Variants in NPAS3 observed in about 807,000 individuals in gnomAD.
NPAS3 encodes neuronal PAS domain protein 3.
NPAS3 carries 14 observed loss-of-function variants against 73.1 expected under a neutral mutation model. The ratio of observed to expected loss-of-function variants is 0.19; its 90% confidence interval spans 0.13 to 0.30. NPAS3 has a LOEUF of 0.30. Among genes scored for constraint, NPAS3 ranks in the 10% least tolerant of loss-of-function variants. NPAS3 has a pLI of 1.00. For missense variants in NPAS3, 1,096 were observed against 1,250.0 expected (o/e 0.88, Z 1.86); for synonymous variants, 620 against 541.5 (o/e 1.14, Z -2.01).
chr14:33,232,290 G>A (rs1020991801), intron 3 of NPAS3, among the ~76,000 whole-genome samples: 2 of 152,246 alleles, frequency 1.3e-5, no homozygotes, highest in African/African-American at 2.4e-5. Context: ...TGCTTTGGAC[G>A]GATTCATCCC....
chr14:33,525,962 CAGAA>C (rs1472838907), intron 4 of NPAS3, among the ~76,000 whole-genome samples: 1 of 151,758 alleles, frequency 6.6e-6, no homozygotes, highest in Non-Finnish European at 1.5e-5. Flanking sequence ...ACAGATAAAA[CAGAA>C]AGAAAGGTAA....
intron 1 of NPAS3, among the ~76,000 whole-genome samples, chr14:32,987,395 C>G (rs2038143523): frequency 6.6e-6 from 1 of 150,682 alleles, no homozygotes; most frequent in African/African-American, 2.5e-5. Flanking sequence ...TCAGCCCAGT[C>G]CTGCATGTTT....
At chr14:33,216,748 C>G (rs1369117027) in intron 3 of NPAS3, among the ~76,000 whole-genome samples, 1 of 152,094 alleles carries the variant, frequency 6.6e-6, no homozygotes, top group East Asian at 1.9e-4. Context: ...AACATTTGTC[C>G]CATAGGCTAT....
At chr14:33,149,987 A>G (rs1010762680) in intron 2 of NPAS3, among the ~76,000 whole-genome samples, 4 of 151,832 alleles carry the variant, frequency 2.6e-5, no homozygotes, top group Non-Finnish European at 4.4e-5. Context: ...CCCTGTGTCC[A>G]TGTGTGTTTT....
In NPAS3 at chr14:33,300,033, C is replaced by G. The variant is rs558203528; in HGVS notation, c.386-67153C>G. On this transcript the variant is annotated intron_variant, in intron 3 of 11. Transcript: ENST00000356141. ...CAAGATTTGCCACTATTTCAGGAAC[C>G]CTGCAAGACCACTCCCAGTATCTTA... Among the ~76,000 whole-genome samples, 196 of 152,228 alleles carry G rather than the reference C, an allele frequency of 1.3e-3. 4 individuals carry two copies. The highest frequency in any genetic ancestry group is 4.5e-3 in the African/African-American group (189 of 41,550).
rs537920862 is a variant in NPAS3 at position 33,192,965 on chromosome 14, A to G, written c.141-22217A>G. ...AGATGGGAACAAATGACTATCCCTT[A>G]TACCTATACCCTGAAAACATACATT... On this transcript the variant is annotated intron_variant, in intron 2 of 11. Transcript: ENST00000356141. 3.9e-5 allele frequency among the ~76,000 whole-genome samples: 6 copies of G among 152,324 alleles called. No individual in the cohort carries two copies. In the South Asian group the frequency reaches 1.2e-3, roughly 32 times the overall value.
At chr14:33,598,628 T>G (rs1161601965) in intron 5 of NPAS3, among the ~76,000 whole-genome samples, 1 of 152,216 alleles carries the variant, frequency 6.6e-6, no homozygotes, top group Non-Finnish European at 1.5e-5. Context: ...AAACTATGCA[T>G]TTTTGGTGCT....
intron 6 of NPAS3, among the ~76,000 whole-genome samples, chr14:33,707,906 A>AC (rs1445548473): frequency 6.6e-6 from 1 of 152,150 alleles, no homozygotes; most frequent in African/African-American, 2.4e-5. Context: ...CAATATCTGA[A>AC]CCGGGGGGTG....
chr14:33,080,651 G>C (rs1041619903), intron 2 of NPAS3, among the ~76,000 whole-genome samples: 1 of 152,168 alleles, frequency 6.6e-6, no homozygotes, highest in African/African-American at 2.4e-5. Context: ...TGAGATGAGA[G>C]AGCTGCATGA....
chr14:33,497,827 A>G (rs1418977329), intron 4 of NPAS3, among the ~76,000 whole-genome samples: 1 of 152,172 alleles, frequency 6.6e-6, no homozygotes, highest in Non-Finnish European at 1.5e-5. Context: ...AATGGCAACA[A>G]AAGCCAAAAT....
At chr14:33,289,013 T>C (rs2041987885) in intron 3 of NPAS3, among the ~76,000 whole-genome samples, 1 of 152,140 alleles carries the variant, frequency 6.6e-6, no homozygotes, top group Admixed American at 6.5e-5. Flanking sequence ...AGAATGCCAT[T>C]CATAAAGTGT....
chr14:33,576,548 G>A (rs1472826480), intron 5 of NPAS3, among the ~76,000 whole-genome samples: 1 of 152,176 alleles, frequency 6.6e-6, no homozygotes, highest in African/African-American at 2.4e-5. Flanking sequence ...CTACTGCTTG[G>A]TGGCAGTGTG....
At chr14:33,010,854 G>T (rs2039163752) in intron 1 of NPAS3, among the ~76,000 whole-genome samples, 1 of 150,762 alleles carries the variant, frequency 6.6e-6, no homozygotes, top group South Asian at 2.1e-4. Flanking sequence ...GGGATCGCTT[G>T]TGTCCAGGAG....
chr14:33,030,692 G>A lies in NPAS3; in HGVS notation c.51-25213G>A, dbSNP rs564310381. On this transcript the variant is annotated intron_variant, in intron 1 of 11. Transcript: ENST00000356141. ...CAGCTGCTTAATACACTGTAGAAAG[G>A]CAGCCTTTTAGTAATATGTAAAAGG... 9.9e-5 allele frequency among the ~76,000 whole-genome samples: 15 copies of A among 152,248 alleles called. No individual in the cohort carries two copies. In the South Asian group the frequency reaches 3.1e-3, roughly 32 times the overall value.
In NPAS3 at chr14:33,241,360, G is replaced by A. The variant is rs932725821; in HGVS notation, c.385+25934G>A. On this transcript the variant is annotated intron_variant, in intron 3 of 11. Transcript: ENST00000356141. ...TTTTGCAGTATTGGCACAAGGGAGC[G>A]CATCAAAGGTGTTTAACACAAACTA... Among the ~76,000 whole-genome samples, 8 of 151,892 alleles carry A rather than the reference G, an allele frequency of 5.3e-5. No homozygotes were observed. In the South Asian group the frequency reaches 1.0e-3, roughly 20 times the overall value.
At chr14:33,728,158 C>A (rs1176015271) in intron 6 of NPAS3, among the ~76,000 whole-genome samples, 1 of 152,154 alleles carries the variant, frequency 6.6e-6, no homozygotes, top group African/African-American at 2.4e-5. Flanking sequence ...AGGGGACAGT[C>A]TCACCAAGTA....
chr14:33,714,425 T>A (rs1416065504), intron 6 of NPAS3, among the ~76,000 whole-genome samples: 1 of 152,170 alleles, frequency 6.6e-6, no homozygotes, highest in Non-Finnish European at 1.5e-5. Context: ...TAACACCAGC[T>A]GTGGACAACT....
At chr14:33,030,013 C>G (rs2039935357) in intron 1 of NPAS3, among the ~76,000 whole-genome samples, 1 of 152,150 alleles carries the variant, frequency 6.6e-6, no homozygotes, top group Admixed American at 6.6e-5. Flanking sequence ...TGAGTTGTAC[C>G]TCCCTTTGGC....
At chr14:33,643,784 T>A (rs1465514747) in intron 5 of NPAS3, among the ~76,000 whole-genome samples, 1 of 152,214 alleles carries the variant, frequency 6.6e-6, no homozygotes, top group Non-Finnish European at 1.5e-5. Flanking sequence ...CCAAGTTAAT[T>A]GTTAAAGTTT....
Sources: gnomAD v4.1 joint callset for allele counts (sites outside exome capture counted in the v4.1 genomes callset) on GRCh38, gnomAD v4.1.1 for gene constraint, MANE v1.5 for transcripts, NCBI Gene and HGNC (gene_info 2026-07-23, HGNC 2026-07-21) for gene names.